TNRC6B: variants seen among roughly 807,000 people sequenced by gnomAD.
The protein encoded by TNRC6B is trinucleotide repeat-containing gene 6B protein.
In TNRC6B, 52 loss-of-function variants were observed where a neutral mutation model predicts 203.6. That is an observed-to-expected ratio of 0.26 (90% CI 0.20 to 0.32). The LOEUF (loss-of-function observed/expected upper bound fraction) is 0.32. Among genes scored for constraint, TNRC6B ranks in the 10% least tolerant of loss-of-function variants. The pLI is 1.00. For synonymous variants in TNRC6B, 838 were observed against 845.7 expected, an observed-to-expected ratio of 0.99 and a Z score of 0.16; for missense variants, 1,923 against 2,286.2, an observed-to-expected ratio of 0.84 and a Z score of 3.24.
chr22:40,060,622 A>T (rs571213196), intron 1 of TNRC6B, among the ~76,000 whole-genome samples: 1 of 152,334 alleles, frequency 6.6e-6, no homozygotes, highest in Admixed American at 6.5e-5. Flanking sequence ...AGGGCCCAGC[A>T]TATAGTCATA....
chr22:40,087,002 C>G (rs150487756), intron 1 of TNRC6B, among the ~76,000 whole-genome samples: 1 of 152,130 alleles, frequency 6.6e-6, no homozygotes, highest in Non-Finnish European at 1.5e-5. Flanking sequence ...GCTCCCCTCT[C>G]ACAGACACAA....
chr22:40,316,163 G>A (rs1274346747), intron 21 of TNRC6B, among the ~76,000 whole-genome samples, 151 bp downstream of exon 21: 2 of 151,368 alleles, frequency 1.3e-5, no homozygotes, highest in Non-Finnish European at 1.5e-5. Context: ...GACCATCCTG[G>A]CTAACATGGT....
At chr22:40,258,101 T>A (rs1160162938) in intron 3 of TNRC6B, among the ~76,000 whole-genome samples, 33 of 108,426 alleles carry the variant, frequency 3.0e-4, no homozygotes, top group African/African-American at 1.3e-3. Context: ...TTTTTTTTTT[T>A]ACCCCACAAT....
chr22:40,319,226 C>A (rs181539594), intron 21 of TNRC6B, among the ~76,000 whole-genome samples: 33 of 151,752 alleles, frequency 2.2e-4, no homozygotes, highest in Middle Eastern at 3.4e-3. Flanking sequence ...CACCTGCTCT[C>A]CAGCCTGGGT....
chr22:40,049,492 A>G (rs750614917), intron 1 of TNRC6B, among the ~76,000 whole-genome samples: 1 of 151,978 alleles, frequency 6.6e-6, no homozygotes, highest in African/African-American at 2.4e-5. Flanking sequence ...TCTAATCTTC[A>G]TAAGTGTTAT....
intron 4 of TNRC6B, among the ~76,000 whole-genome samples, chr22:40,159,143 T>G (rs1035940458): frequency 6.6e-6 from 1 of 151,486 alleles, no homozygotes; most frequent in African/African-American, 2.4e-5. Context: ...TTCTGTATTT[T>G]TAGTAGAGAT....
intron 4 of TNRC6B, among the ~76,000 whole-genome samples, chr22:40,167,746 A>T (rs1404988688): frequency 6.8e-6 from 1 of 148,076 alleles, no homozygotes. Flanking sequence ...CCATGGTGGC[A>T]CATGCCTGTA....
intron 2 of TNRC6B, chr22:40,246,429 C>G (rs530188654): frequency 1.1e-4 from 18 of 170,968 alleles, no homozygotes; most frequent in Middle Eastern, 2.7e-3. Context: ...TCCTCGTGAT[C>G]CCCCACCTTG....
intron 1 of TNRC6B, among the ~76,000 whole-genome samples, chr22:40,101,817 A>T (rs911541335): frequency 9.2e-5 from 14 of 152,202 alleles, no homozygotes; most frequent in Non-Finnish European, 1.8e-4. Flanking sequence ...TAAATCTAAA[A>T]TGAGATTTAT....
intron 1 of TNRC6B, among the ~76,000 whole-genome samples, chr22:40,184,158 CA>C (rs2069172900): frequency 6.6e-6 from 1 of 152,274 alleles, no homozygotes; most frequent in Middle Eastern, 3.4e-3. Context: ...ATTCATTCTG[CA>C]AATAATTACT....
At chr22:40,115,723 C>T (rs1253737546) in intron 1 of TNRC6B, among the ~76,000 whole-genome samples, 1 of 151,748 alleles carries the variant, frequency 6.6e-6, no homozygotes, top group Non-Finnish European at 1.5e-5. Flanking sequence ...GGAGATAACA[C>T]CTAAAGGAAA....
At chr22:40,093,091 C>T (rs993076081) in intron 1 of TNRC6B, among the ~76,000 whole-genome samples, 1 of 152,122 alleles carries the variant, frequency 6.6e-6, no homozygotes, top group Admixed American at 6.5e-5. Context: ...TGAAAACATG[C>T]TGTGCATGAT....
chr22:40,193,676 C>T (rs1041380602), intron 1 of TNRC6B, among the ~76,000 whole-genome samples: 6 of 151,978 alleles, frequency 3.9e-5, no homozygotes, highest in Non-Finnish European at 8.8e-5. Flanking sequence ...AGATTTGCTG[C>T]CTAGAAGACA....
At position 40,300,895 on chromosome 22, in the gene TNRC6B, C is replaced by G. The variant is rs748499148; in HGVS notation, c.3841-15C>G. 2 of 1,611,668 alleles carry G rather than the reference C, an allele frequency of 1.2e-6. No homozygotes were observed. Among genetic ancestry groups the G allele is most frequent in the South Asian group, 1.1e-5 (1 of 90,390 alleles). On this transcript the variant is annotated splice_polypyrimidine_tract_variant and intron_variant, in intron 13 of 22. Transcript: ENST00000454349. The stretch of plus-strand genomic sequence containing the variant: ...AGGAAACTTTGGTTTTCTGTCTTTC[C>G]CCCTTGTTTTGTAGGCATGTCAGCT...
chr22:40,173,798 T>TATATATAA (rs1347105048), upstream of TNRC6B, among the ~76,000 whole-genome samples: 18 of 61,114 alleles, frequency 2.9e-4, no homozygotes, highest in Admixed American at 2.3e-3. Flanking sequence ...TATATATTTT[T>TATATATAA]TTTTTTTTTT....
intron 1 of TNRC6B, among the ~76,000 whole-genome samples, chr22:40,243,332 C>T (rs1036483321): frequency 6.6e-6 from 1 of 152,042 alleles, no homozygotes; most frequent in African/African-American, 2.4e-5. Context: ...TAGATTCTTC[C>T]TAAGGAAGTG....
At position 40,322,992 on chromosome 22, in the gene TNRC6B, C is replaced by T. The variant is rs373707657; in HGVS notation, c.5253C>T (p.Thr1751=). ...CTGCGGGGTGGCAGTCGCTGGAGAC[C>T]GGCCAGAACCAGTCAGATCCCGTGG... is the stretch of plus-strand genomic sequence containing the variant. The part of the protein sequence containing the change: ...APAAGWQSLE[T]GQNQSDPVGP... The change falls in exon 23 of 23, where the codon ACC becomes ACT. Residue 1751 remains threonine, a synonymous_variant. Coordinates refer to ENST00000454349, the MANE Select transcript of TNRC6B (RefSeq NM_001162501.2). 124 of 1,609,562 alleles carry T rather than the reference C, an allele frequency of 7.7e-5. No individual in the cohort carries two copies. The highest frequency in any genetic ancestry group is 1.7e-4 in the South Asian group (15 of 90,422).
chr22:40,165,656 A>G (rs1360605079), intron 4 of TNRC6B, among the ~76,000 whole-genome samples: 1 of 152,204 alleles, frequency 6.6e-6, no homozygotes, highest in Non-Finnish European at 1.5e-5. Context: ...ACACATCCAC[A>G]TGGCTGAGGA....
chr22:40,177,921 C>T, upstream of TNRC6B: 55 of 1,347,738 alleles, frequency 4.1e-5, no homozygotes, highest in Non-Finnish European at 5.0e-5. Context: ...AAGCTGCTTC[C>T]TTTAGAGACA....
Sources: allele counts gnomAD v4.1 joint callset (sites outside exome capture counted in the v4.1 genomes callset), GRCh38; gene constraint gnomAD v4.1.1; transcripts MANE v1.5; gene names NCBI Gene and HGNC (gene_info 2026-07-23, HGNC 2026-07-21).